The following MAST4 variants were observed in gnomAD, a reference collection of about 807,000 sequenced individuals.
The protein encoded by MAST4 is microtubule-associated serine/threonine-protein kinase 4.
A neutral mutation model predicts 162.7 loss-of-function variants in MAST4; 89 were observed. The observed-to-expected ratio is 0.55, with a 90% CI of 0.46 to 0.65. The LOEUF (loss-of-function observed/expected upper bound fraction) is 0.65. Ranked by LOEUF, MAST4 falls within the 30% of genes least tolerant of loss-of-function variation. The probability of loss-of-function intolerance (pLI) is 0.00; values close to 1 mark genes in which losing one functional copy is unlikely to be tolerated. For missense variants in MAST4, 3,153 were observed against 3,374.0 expected, an observed-to-expected ratio of 0.93 and a Z score of 1.62; for synonymous variants, 1,479 against 1,361.1, an observed-to-expected ratio of 1.09 and a Z score of -1.91.
chr5:66,803,358 T>C (rs1175324794), intron 3 of MAST4, among the ~76,000 whole-genome samples: 2 of 152,190 alleles, frequency 1.3e-5, no homozygotes, highest in Admixed American at 6.5e-5. Context: ...TTCAAGAGCA[T>C]TGGCTGTTTT....
Position 67,165,484 on chromosome 5 carries a change from G to A in MAST4, c.6305G>A (p.Ser2102Asn). Residue 2102 changes from serine to asparagine, a missense_variant, in exon 29 of 29, where the codon AGT becomes AAT. This residue lies in a region of MAST4 where 1,644 missense variants were observed against 1,495.0 expected (regional missense o/e 1.10). Coordinates refer to ENST00000403625, the MANE Select transcript of MAST4 (RefSeq NM_001164664.2). ...LQPPGIESEK[S>N]EKLSSFPSLQ... ...CCACCTGGAATTGAGAGTGAGAAGA[G>A]TGAAAAGCTCTCCAGTTTCCCATCT... The A allele has an allele frequency of 1.2e-6, 2 of 1,613,966 alleles. No individual in the cohort carries two copies. The highest frequency in any genetic ancestry group is 1.7e-6 in the Non-Finnish European group (2 of 1,179,902).
intron 1 of MAST4, among the ~76,000 whole-genome samples, chr5:66,620,045 T>C (rs1743970075): frequency 1.1e-5 from 1 of 92,956 alleles, no homozygotes; most frequent in Non-Finnish European, 2.1e-5. Context: ...AGACTTAGGT[T>C]GCTTTTTTTT....
Position 67,165,497 on chromosome 5 carries a change from C to T in MAST4, c.6318C>T (p.Ser2106=). The T allele has an allele frequency of 6.2e-7, 1 of 1,613,960 alleles. No homozygotes were observed. The highest frequency in any genetic ancestry group is 8.5e-7 in the Non-Finnish European group (1 of 1,179,896). The change falls in exon 29 of 29, where the codon TCC becomes TCT. Residue 2106 remains serine (S), a synonymous_variant. Transcript: ENST00000403625. The stretch of plus-strand genomic sequence containing the variant: ...AGAGTGAGAAGAGTGAAAAGCTCTC[C>T]AGTTTCCCATCTTTGCAGAAAGATG... The part of the protein sequence containing the change: ...GIESEKSEKL[S]SFPSLQKDGA...
chr5:66,961,534 T>C (rs1045413167), intron 4 of MAST4, among the ~76,000 whole-genome samples: 1 of 152,258 alleles, frequency 6.6e-6, no homozygotes, highest in African/African-American at 2.4e-5. Context: ...ACATCAAATA[T>C]ATATTTCAGA....
At chr5:66,948,377 G>C (rs563665702) in intron 4 of MAST4, among the ~76,000 whole-genome samples, 33 of 152,260 alleles carry the variant, frequency 2.2e-4, no homozygotes, top group African/African-American at 7.7e-4. Context: ...AGTATCATCA[G>C]AGATTGCTCT....
chr5:66,837,882 ATATATATATATATTTTTTTTTT>A (rs1354024327), intron 3 of MAST4, among the ~76,000 whole-genome samples: 1 of 61,876 alleles, frequency 1.6e-5, no homozygotes, highest in African/African-American at 7.7e-5. Context: ...ATATATATAT[ATATATATATATATTTTTTTTTT>A]TTTTTTTTTT....
intron 4 of MAST4, among the ~76,000 whole-genome samples, chr5:67,030,919 T>C (rs1755235385): frequency 6.6e-6 from 1 of 152,174 alleles, no homozygotes; most frequent in Non-Finnish European, 1.5e-5. Flanking sequence ...TGGTGAAATT[T>C]TTTTCCTGTA....
chr5:66,739,420 G>A (rs1290520046), intron 1 of MAST4, among the ~76,000 whole-genome samples: 1 of 152,128 alleles, frequency 6.6e-6, no homozygotes. Flanking sequence ...TAATCACAAA[G>A]GGGTAGAAAT....
At chr5:66,786,057 C>T (rs932717637) in intron 2 of MAST4, among the ~76,000 whole-genome samples, 9 of 152,120 alleles carry the variant, frequency 5.9e-5, no homozygotes, top group East Asian at 5.8e-4. Context: ...TTTGTAGAGA[C>T]GGGACCTCAC....
chr5:67,137,059 A>G (rs1769745267), intron 19 of MAST4, among the ~76,000 whole-genome samples: 1 of 152,188 alleles, frequency 6.6e-6, no homozygotes, highest in South Asian at 2.1e-4. Flanking sequence ...TTTGTCTTTA[A>G]ATATACATCC....
At chr5:66,616,471 C>G (rs1743692646) in intron 1 of MAST4, among the ~76,000 whole-genome samples, 1 of 152,210 alleles carries the variant, frequency 6.6e-6, no homozygotes, top group Non-Finnish European at 1.5e-5. Flanking sequence ...AAGACCAGCT[C>G]TGGCTGGCTG....
chr5:66,599,939 G>GTGTA (rs1443703818), intron 1 of MAST4, among the ~76,000 whole-genome samples: 1 of 152,064 alleles, frequency 6.6e-6, no homozygotes, highest in Admixed American at 6.5e-5. Context: ...GTGTGTGTGT[G>GTGTA]TGTTTACAGT....
In MAST4 at chr5:66,683,189, C is replaced by T. The variant is rs140343382; in HGVS notation, c.364-76520C>T. Among the ~76,000 whole-genome samples the T allele has an allele frequency of 7.8e-4, 119 of 152,300 alleles. 1 individual carries two copies. Among genetic ancestry groups the T allele is most frequent in the African/African-American group, 2.8e-3 (115 of 41,554 alleles). The stretch of plus-strand genomic sequence containing the variant: ...TGAGGTCTCATCAGCATCATTTTGG[C>T]TGCCATGTAAAAATTAAATTCCTTA... On this transcript the variant is annotated intron_variant, in intron 1 of 28. Coordinates refer to ENST00000403625, the MANE Select transcript of MAST4 (RefSeq NM_001164664.2).
At chr5:67,055,928 C>G (rs1040804395) in intron 5 of MAST4, among the ~76,000 whole-genome samples, 1 of 150,874 alleles carries the variant, frequency 6.6e-6, no homozygotes, top group Non-Finnish European at 1.5e-5. Flanking sequence ...ACAACAAAAG[C>G]GAGTCACAAA....
At chr5:66,864,041 C>G (rs1760308536) in intron 3 of MAST4, among the ~76,000 whole-genome samples, 1 of 152,212 alleles carries the variant, frequency 6.6e-6, no homozygotes, top group Non-Finnish European at 1.5e-5. Context: ...CCCACACACA[C>G]ATATACACTT....
At chr5:66,768,170 A>C (rs1754188531) in intron 2 of MAST4, among the ~76,000 whole-genome samples, 1 of 152,230 alleles carries the variant, frequency 6.6e-6, no homozygotes, top group East Asian at 1.9e-4. Context: ...AGGGACTAGA[A>C]ATATAAAGTA....
Position 67,166,536 on chromosome 5 carries a change from GCCCTCCCGGA to G in MAST4, c.7358_7367del (p.Ala2453GlufsTer4). Reference sequence around the variant, plus strand: ...TGGGCAGAGTTCTTTCCGATCCACGGCCCTCCCGGAAAAGTCTCTGAGCTGCTCCTCCAGC... The same window carrying G: ...TGGGCAGAGTTCTTTCCGATCCACGGAAAGTCTCTGAGCTGCTCCTCCAGC... On this transcript the variant is annotated frameshift_variant, in exon 29 of 29. Transcript: ENST00000403625. LOFTEE classifies it low-confidence loss of function (END_TRUNC). 6.2e-7 allele frequency: 1 copy of G among 1,607,148 alleles called. No individual in the cohort carries two copies. The highest frequency in any genetic ancestry group is 8.5e-7 in the Non-Finnish European group (1 of 1,176,874).
chr5:67,092,290 A>C (rs1163703037), intron 6 of MAST4, among the ~76,000 whole-genome samples: 1 of 152,220 alleles, frequency 6.6e-6, no homozygotes, highest in Non-Finnish European at 1.5e-5. Context: ...TTCTTACCTT[A>C]TGTGATAATA....
intron 2 of MAST4, among the ~76,000 whole-genome samples, chr5:66,767,560 G>A (rs1311340127): frequency 6.6e-6 from 1 of 151,974 alleles, no homozygotes; most frequent in Non-Finnish European, 1.5e-5. Flanking sequence ...TGGACCTGGA[G>A]AGAGTTATTA....
Sources: gnomAD v4.1 joint callset for allele counts (sites outside exome capture counted in the v4.1 genomes callset) on GRCh38, gnomAD v4.1.1 for gene constraint, gnomAD v4.1.1 regional missense constraint, MANE v1.5 for transcripts, NCBI Gene and HGNC (gene_info 2026-07-23, HGNC 2026-07-21) for gene names.